Variants in DCC observed in about 807,000 individuals in gnomAD.
DCC encodes netrin receptor DCC.
Under a neutral mutation model 172.5 loss-of-function variants are expected in DCC, and 58 were observed. The ratio of observed to expected loss-of-function variants is 0.34; its 90% CI spans 0.27 to 0.42. DCC has a LOEUF of 0.42. Among genes scored for constraint, DCC ranks in the 10% least tolerant of loss-of-function variants. The probability of loss-of-function intolerance (pLI) is 1.00; values close to 1 mark genes in which losing one functional copy is unlikely to be tolerated. For missense variants in DCC, 1,740 were observed against 1,791.0 expected (o/e 0.97, Z 0.51); for synonymous variants, 709 against 644.5 (o/e 1.10, Z -1.52).
intron 5 of DCC, among the ~76,000 whole-genome samples, chr18:52,985,097 T>G (rs1221633083): frequency 6.6e-6 from 1 of 152,102 alleles, no homozygotes; most frequent in Non-Finnish European, 1.5e-5. Flanking sequence ...TTCGTGTTGT[T>G]GATTGTTCGG....
At chr18:53,415,050 C>G (rs1257295890) in intron 20 of DCC, among the ~76,000 whole-genome samples, 1 of 152,152 alleles carries the variant, frequency 6.6e-6, no homozygotes, top group African/African-American at 2.4e-5. Flanking sequence ...GAATCAATAT[C>G]TACGTATTTC....
Position 52,737,508 on chromosome 18 carries a change from C to T in DCC, c.92-14546C>T, listed in dbSNP as rs530495930. On this transcript the variant is annotated intron_variant, in intron 1 of 28. Transcript: ENST00000442544. ...AGACCATTTTCTCATCCTGTGGGAG[C>T]TTTTTAGGACAGGATGATATGAAAA... is the stretch of plus-strand genomic sequence containing the variant. Among the ~76,000 whole-genome samples, 6 of 152,182 alleles carry T rather than the reference C, an allele frequency of 3.9e-5. No homozygotes were observed. In the South Asian group the frequency reaches 1.0e-3, roughly 26 times the overall value.
chr18:52,992,227 C>G (rs35973632), intron 5 of DCC, among the ~76,000 whole-genome samples: 18,264 of 152,154 alleles, frequency 0.12, 1,103 homozygotes, highest in East Asian at 0.22. Context: ...TCCCACCACC[C>G]TAGTCAGTAT....
At chr18:53,303,861 G>C (rs2057169144) in intron 12 of DCC, among the ~76,000 whole-genome samples, 1 of 152,146 alleles carries the variant, frequency 6.6e-6, no homozygotes, top group Non-Finnish European at 1.5e-5. Flanking sequence ...GGAAGAATCA[G>C]GTCACATGAA....
intron 7 of DCC, among the ~76,000 whole-genome samples, chr18:53,085,317 G>A (rs1194777652): frequency 6.6e-6 from 1 of 152,136 alleles, no homozygotes; most frequent in East Asian, 1.9e-4. Flanking sequence ...AAACCAGTAT[G>A]AACCACACCT....
intron 12 of DCC, among the ~76,000 whole-genome samples, chr18:53,302,536 G>A (rs1262154397): frequency 1.3e-5 from 2 of 151,792 alleles, no homozygotes; most frequent in African/African-American, 2.4e-5. Context: ...CTTCAACGCT[G>A]TTTGTTGTGT....
chr18:52,425,787 A>G (rs1987404576), intron 1 of DCC, among the ~76,000 whole-genome samples: 1 of 152,172 alleles, frequency 6.6e-6, no homozygotes. Context: ...AGCTCCACTC[A>G]TAGAAATTAT....
intron 9 of DCC, among the ~76,000 whole-genome samples, chr18:53,201,262 C>T (rs1269140289): frequency 1.3e-5 from 2 of 152,072 alleles, no homozygotes; most frequent in African/African-American, 4.8e-5. Flanking sequence ...ATTTTAAAAT[C>T]CAAATCTCTG....
Position 53,086,248 on chromosome 18 carries a change from CCT to C in DCC, c.1261+20083_1261+20084del, listed in dbSNP as rs1304920693. Among the ~76,000 whole-genome samples the C allele has an allele frequency of 6.1e-5, 3 of 48,884 alleles. 1 individual carries two copies. The highest frequency in any genetic ancestry group is 7.7e-4 in the East Asian group (2 of 2,594). The allele number at this position is 48,884 out of a possible 152,430, so 32.1% of individuals were successfully genotyped here. ...TTCTTCCGTTCTTCTTCTTCTTCTT[CCT>C]TTCTTCTTCTTCTTCTTCTTCTTCC... is the stretch of plus-strand genomic sequence containing the variant. On this transcript the variant is annotated intron_variant, in intron 7 of 28. Transcript: ENST00000442544.
At chr18:52,774,575 G>A (rs1229618673) in intron 2 of DCC, among the ~76,000 whole-genome samples, 1 of 152,228 alleles carries the variant, frequency 6.6e-6, no homozygotes, top group Non-Finnish European at 1.5e-5. Context: ...AAAGAACTCT[G>A]CATTCTGTTG....
chr18:52,547,289 T>A (rs998736091), intron 1 of DCC, among the ~76,000 whole-genome samples: 13 of 152,170 alleles, frequency 8.5e-5, no homozygotes, highest in African/African-American at 3.1e-4. Flanking sequence ...ATTCTTAATC[T>A]TAAAAGCGAA....
intron 9 of DCC, among the ~76,000 whole-genome samples, chr18:53,192,916 G>A (rs1315794462): frequency 1.3e-5 from 2 of 152,122 alleles, no homozygotes; most frequent in African/African-American, 2.4e-5. Context: ...ATGCAAATCT[G>A]TATTGCAGGA....
rs543912773 is a variant in DCC, at chr18:53,155,280, G to A, written c.1262-2076G>A. On this transcript the variant is annotated intron_variant, in intron 7 of 28. Coordinates refer to ENST00000442544, the MANE Select transcript of DCC (RefSeq NM_005215.4). ...CACTCAGCCAGTCGCTATACAAAGTGAATGCAAGAATGAAGACTGACTTTG... is the reference window on the plus strand; with the variant it reads ...CACTCAGCCAGTCGCTATACAAAGTAAATGCAAGAATGAAGACTGACTTTG... Among the ~76,000 whole-genome samples, 3 of 152,186 alleles carry A rather than the reference G, an allele frequency of 2.0e-5. No individual in the cohort carries two copies. In the East Asian group the frequency reaches 5.8e-4, roughly 29 times the overall value.
At chr18:53,152,269 C>T (rs1004223111) in intron 7 of DCC, among the ~76,000 whole-genome samples, 1 of 152,046 alleles carries the variant, frequency 6.6e-6, no homozygotes, top group Admixed American at 6.6e-5. Flanking sequence ...GTTATGAGTA[C>T]CCCTTATCTT....
At chr18:52,782,985 G>A (rs1251104050) in intron 2 of DCC, among the ~76,000 whole-genome samples, 1 of 152,002 alleles carries the variant, frequency 6.6e-6, no homozygotes, top group African/African-American at 2.4e-5. Context: ...TTGGACAGAT[G>A]GTGCCCTGTT....
chr18:53,209,351 C>T (rs547155077), intron 11 of DCC, among the ~76,000 whole-genome samples: 8 of 152,208 alleles, frequency 5.3e-5, no homozygotes, highest in African/African-American at 1.2e-4. Context: ...AGAAATGTAG[C>T]GATAGGCCCT....
At chr18:52,619,338 G>A (rs893326315) in intron 1 of DCC, among the ~76,000 whole-genome samples, 1 of 152,174 alleles carries the variant, frequency 6.6e-6, no homozygotes, top group African/African-American at 2.4e-5. Context: ...ATCCCAGACT[G>A]TTTTTCCCCA....
chr18:52,678,422 C>A (rs932794182), intron 1 of DCC, among the ~76,000 whole-genome samples: 2 of 152,030 alleles, frequency 1.3e-5, no homozygotes, highest in Admixed American at 1.3e-4. Context: ...TGCCATTAAT[C>A]TTAATAAGGA....
chr18:52,765,377 T>A (rs2037230685), intron 2 of DCC, among the ~76,000 whole-genome samples: 1 of 152,012 alleles, frequency 6.6e-6, no homozygotes, highest in African/African-American at 2.4e-5. Flanking sequence ...TCCATACTCA[T>A]CTCTTCATGT....
Sources: gnomAD v4.1 joint callset for allele counts (sites outside exome capture counted in the v4.1 genomes callset) on GRCh38, gnomAD v4.1.1 for gene constraint, MANE v1.5 for transcripts, NCBI Gene and HGNC (gene_info 2026-07-23, HGNC 2026-07-21) for gene names.